The following CACNA2D1 variants were observed in gnomAD, a reference collection of about 807,000 sequenced individuals.
The protein encoded by CACNA2D1 is calcium voltage-gated channel auxiliary subunit alpha2delta 1.
In CACNA2D1, 53 loss-of-function variants were observed where a neutral mutation model predicts 171.5. That is an observed-to-expected ratio of 0.31 (90% confidence interval 0.25 to 0.39). The LOEUF is 0.39. Ranked by LOEUF, CACNA2D1 falls within the 10% of genes least tolerant of loss-of-function variation. The pLI, the probability that CACNA2D1 is intolerant of heterozygous loss-of-function variation, is 1.00. For missense variants in CACNA2D1, 903 were observed against 1,299.8 expected, an observed-to-expected ratio of 0.69 and a Z score of 4.69; for synonymous variants, 442 against 443.1, an observed-to-expected ratio of 1.00 and a Z score of 0.03.
intron 38 of CACNA2D1, among the ~76,000 whole-genome samples, chr7:81,953,863 CTTAT>C (rs1429398777): frequency 6.6e-6 from 1 of 151,990 alleles, no homozygotes; most frequent in East Asian, 1.9e-4. Context: ...CTCTTTGGCC[CTTAT>C]TTCACTGTTT....
chr7:81,978,705 G>A (rs973108373), intron 24 of CACNA2D1, among the ~76,000 whole-genome samples: 3 of 149,868 alleles, frequency 2.0e-5, no homozygotes, highest in East Asian at 4.0e-4. Context: ...AAACCTGTAC[G>A]TCATGCACAT....
chr7:81,952,220 A>T (rs1254817325), intron 38 of CACNA2D1, among the ~76,000 whole-genome samples: 2 of 151,360 alleles, frequency 1.3e-5, no homozygotes, highest in African/African-American at 4.9e-5. Flanking sequence ...AGAATCTGCT[A>T]ATCCAAGGTA....
At chr7:82,001,733 T>C (rs772113295) in intron 18 of CACNA2D1, 1 of 1,131,452 alleles carries the variant, frequency 8.8e-7, no homozygotes, top group Non-Finnish European at 1.2e-6. Context: ...AACAGAAAAA[T>C]GGTAATTCAT....
intron 3 of CACNA2D1, among the ~76,000 whole-genome samples, chr7:82,290,965 ACTTT>A (rs1366700694): frequency 7.0e-6 from 1 of 142,180 alleles, no homozygotes; most frequent in Non-Finnish European, 1.5e-5. Flanking sequence ...GTCATTTTCT[ACTTT>A]CTTTTCTTTT....
chr7:82,022,222 AACACACACACACACAC>A (rs71520795), intron 12 of CACNA2D1, among the ~76,000 whole-genome samples: 2 of 145,784 alleles, frequency 1.4e-5, no homozygotes, highest in African/African-American at 5.0e-5. Context: ...CAGAGACAAG[AACACACACACACACAC>A]ACACACACAC....
At chr7:82,443,308 C>T in intron 1 of CACNA2D1, 57 bp downstream of exon 1, 1 of 1,536,220 alleles carries the variant, frequency 6.5e-7, no homozygotes, top group Non-Finnish European at 8.8e-7. Flanking sequence ...CCGACCCCCA[C>T]CCCCAACTCC....
In CACNA2D1 at chr7:81,983,266, G is replaced by T. The variant is rs746757087; in HGVS notation, c.1894+48C>A. On this transcript the variant is annotated intron_variant, in intron 23 of 38. Coordinates refer to ENST00000356860, the MANE Select transcript of CACNA2D1 (RefSeq NM_000722.4). ...TAGGAAGGAAAATATCAGTGGAAAT[G>T]TCAAGTGTACTAAACAGAAAGAAGT... The T allele has an allele frequency of 2.0e-6, 3 of 1,494,800 alleles. No homozygotes were observed. The South Asian group carries it at 3.4e-5, about 17-fold the overall frequency. 92.6% of individuals were successfully genotyped at this position (1,494,800 alleles called of 1,614,324 possible). A position where few individuals can be genotyped will look rare whatever the true frequency, so the allele number is the denominator to read the frequency against.
chr7:82,293,744 T>G (rs1328704866), intron 3 of CACNA2D1, among the ~76,000 whole-genome samples: 1 of 152,210 alleles, frequency 6.6e-6, no homozygotes, highest in Non-Finnish European at 1.5e-5. Context: ...ATGGGAAGGA[T>G]CTGGGAATAT....
chr7:82,130,712 C>A (rs1790854387), intron 5 of CACNA2D1, among the ~76,000 whole-genome samples: 2 of 149,444 alleles, frequency 1.3e-5, no homozygotes. Flanking sequence ...GATTTATAAT[C>A]TTTTAGTTAT....
intron 1 of CACNA2D1, among the ~76,000 whole-genome samples, chr7:82,429,610 A>G (rs570414246): frequency 2.0e-5 from 3 of 152,322 alleles, no homozygotes; most frequent in Admixed American, 6.5e-5. Context: ...CCACACAGAC[A>G]GGTTGTGTCA....
intron 4 of CACNA2D1, among the ~76,000 whole-genome samples, chr7:82,137,969 C>T (rs999917448): frequency 1.3e-5 from 2 of 152,128 alleles, no homozygotes; most frequent in South Asian, 4.1e-4. Flanking sequence ...CTTTCCCCCT[C>T]CCCGCAAAAA....
Position 82,268,012 on chromosome 7 carries a change from C to T in CACNA2D1, c.294+67123G>A, listed in dbSNP as rs144447680. Reference sequence around the variant, plus strand: ...ACTCCATCTCAAAAACAAAACAAAACAAAAAAACCTACAGACTCTACAAGC... The same window carrying T: ...ACTCCATCTCAAAAACAAAACAAAATAAAAAAACCTACAGACTCTACAAGC... On this transcript the variant is annotated intron_variant, in intron 3 of 38. Transcript: ENST00000356860. Among the ~76,000 whole-genome samples the T allele has an allele frequency of 5.4e-3, 825 of 151,722 alleles. 19 individuals are homozygous for T. In the East Asian group the frequency reaches 0.09, roughly 16 times the overall value.
chr7:82,412,140 T>C (rs1318809652), intron 1 of CACNA2D1, among the ~76,000 whole-genome samples: 2 of 152,126 alleles, frequency 1.3e-5, no homozygotes, highest in Non-Finnish European at 2.9e-5. Context: ...ATATACAATG[T>C]TATCTGTGCA....
chr7:82,441,582 G>A (rs963222320), intron 1 of CACNA2D1, among the ~76,000 whole-genome samples: 3 of 152,098 alleles, frequency 2.0e-5, no homozygotes, highest in African/African-American at 7.2e-5. Flanking sequence ...CATTATTGCA[G>A]ATGTTCTTCT....
intron 4 of CACNA2D1, among the ~76,000 whole-genome samples, chr7:82,161,258 T>G (rs1794920505): frequency 6.6e-6 from 1 of 152,002 alleles, no homozygotes; most frequent in Non-Finnish European, 1.5e-5. Context: ...AAGAAAGACA[T>G]GAGGGAAGGT....
chr7:82,345,365 A>G, intron 2 of CACNA2D1, among the ~76,000 whole-genome samples: 1 of 152,224 alleles, frequency 6.6e-6, no homozygotes, highest in East Asian at 1.9e-4. Flanking sequence ...AAAGCCAGGA[A>G]GTTCTATGGC....
chr7:82,012,395 G>C, intron 14 of CACNA2D1, 152 bp from the exon 15 acceptor site: 1 of 637,486 alleles, frequency 1.6e-6, no homozygotes, highest in Non-Finnish European at 2.8e-6. Context: ...TTCTATTTTG[G>C]GTACTCCATA....
At chr7:82,234,960 C>T (rs1270652005) in intron 3 of CACNA2D1, among the ~76,000 whole-genome samples, 1 of 152,216 alleles carries the variant, frequency 6.6e-6, no homozygotes, top group Admixed American at 6.5e-5. Context: ...AATAAAGCCA[C>T]TATTGTTCAA....
intron 6 of CACNA2D1, among the ~76,000 whole-genome samples, chr7:82,110,358 G>A (rs142213309): frequency 6.6e-6 from 1 of 152,078 alleles, no homozygotes; most frequent in Non-Finnish European, 1.5e-5. Flanking sequence ...GAGCTTGCTC[G>A]CTCTCTCTGC....
Sources: gnomAD v4.1 joint callset for allele counts (sites outside exome capture counted in the v4.1 genomes callset) on GRCh38, gnomAD v4.1.1 for gene constraint, MANE v1.5 for transcripts, NCBI Gene and HGNC (gene_info 2026-07-23, HGNC 2026-07-21) for gene names.